The following FBXL18 variants were observed in gnomAD, a reference collection of about 807,000 sequenced individuals.
FBXL18 encodes F-box/LRR-repeat protein 18.
FBXL18 carries 36 observed loss-of-function variants against 46.0 expected under a neutral mutation model. That is an observed-to-expected ratio of 0.78 (90% CI 0.60 to 1.03). The LOEUF (loss-of-function observed/expected upper bound fraction) is 1.03. Among genes scored for constraint, FBXL18 ranks in the 50% least tolerant of loss-of-function variants. The probability of loss-of-function intolerance (pLI) is 0.00; values close to 1 mark genes in which losing one functional copy is unlikely to be tolerated. For missense variants in FBXL18, 977 were observed against 1,004.1 expected, an observed-to-expected ratio of 0.97 and a Z score of 0.36; for synonymous variants, 557 against 465.3, an observed-to-expected ratio of 1.20 and a Z score of -2.54.
chr7:5,479,422 C>T lies in FBXL18; in HGVS notation c.*2353G>A, dbSNP rs1337527851. On this transcript the variant is annotated 3_prime_UTR_variant, in exon 5 of 5. Transcript: ENST00000382368. ...GGCCCCCTGAGGGTCCGGGAACCTC[C>T]CAGGCCACTCGCCCCTGCCTGGTCG... 3 of 152,270 alleles carry T rather than the reference C, an allele frequency of 2.0e-5. No individual in the cohort carries two copies. The highest frequency in any genetic ancestry group is 4.4e-5 in the Non-Finnish European group (3 of 68,130). 9.4% of individuals were successfully genotyped at this position (152,270 alleles called of 1,614,324 possible).
intron 4 of FBXL18, among the ~76,000 whole-genome samples, chr7:5,462,949 TCAAAAAAA>T (rs1719552540): frequency 3.0e-4 from 1 of 3,342 alleles, no homozygotes; most frequent in Admixed American, 4.0e-3. Flanking sequence ...AGACTTGGTC[TCAAAAAAA>T]AAAAAAAAAA....
At chr7:5,513,566 G>C in intron 1 of FBXL18, 91 bp downstream of exon 1, 4 of 1,448,536 alleles carry the variant, frequency 2.8e-6, no homozygotes, top group Non-Finnish European at 3.8e-6. Flanking sequence ...GGGATAGAAA[G>C]GATGCAAGGG....
chr7:5,499,832 G>C (rs1256066841), intron 3 of FBXL18, among the ~76,000 whole-genome samples: 2 of 151,858 alleles, frequency 1.3e-5, no homozygotes, highest in African/African-American at 4.8e-5. Context: ...GGCCGAGATG[G>C]AGGATCACTT....
At chr7:5,465,592 A>C (rs1783329801) in intron 4 of FBXL18, among the ~76,000 whole-genome samples, 1 of 151,782 alleles carries the variant, frequency 6.6e-6, no homozygotes, top group Non-Finnish European at 1.5e-5. Flanking sequence ...CTCCCACCTC[A>C]CACCACTGCA....
intron 3 of FBXL18, among the ~76,000 whole-genome samples, chr7:5,497,496 G>A (rs993035226): frequency 2.0e-5 from 3 of 152,154 alleles, no homozygotes; most frequent in African/African-American, 4.8e-5. Flanking sequence ...TTGATCCTGC[G>A]CTTCTCAACC....
chr7:5,487,467 G>A (rs1426473721), intron 4 of FBXL18, among the ~76,000 whole-genome samples: 3 of 152,176 alleles, frequency 2.0e-5, no homozygotes, highest in Non-Finnish European at 4.4e-5. Flanking sequence ...CACAGAGCCT[G>A]GAGGTCCCCA....
chr7:5,471,488 G>A (rs1783426500), downstream of FBXL18, among the ~76,000 whole-genome samples: 2 of 152,126 alleles, frequency 1.3e-5, no homozygotes, highest in African/African-American at 2.4e-5. Flanking sequence ...ATGTTAGCCA[G>A]GATGGTCTCA....
At chr7:5,493,201 G>A (rs916671162) in intron 3 of FBXL18, among the ~76,000 whole-genome samples, 1 of 152,186 alleles carries the variant, frequency 6.6e-6, no homozygotes, top group Non-Finnish European at 1.5e-5. Flanking sequence ...CAGCCATGGT[G>A]GCACGCACCT....
chr7:5,486,654 A>G (rs913426324), intron 4 of FBXL18, among the ~76,000 whole-genome samples: 1 of 152,110 alleles, frequency 6.6e-6, no homozygotes, highest in African/African-American at 2.4e-5. Context: ...CCCTGTCTCT[A>G]AAAAAAGAAA....
intron 1 of FBXL18, among the ~76,000 whole-genome samples, chr7:5,511,370 G>C (rs1408464113): frequency 6.6e-6 from 1 of 151,932 alleles, no homozygotes; most frequent in Admixed American, 6.6e-5. Flanking sequence ...CCTGAGGTCA[G>C]TAGTTCAAGA....
At chr7:5,467,396 A>G (rs894262470) in intron 4 of FBXL18, among the ~76,000 whole-genome samples, 2 of 151,266 alleles carry the variant, frequency 1.3e-5, no homozygotes, top group Non-Finnish European at 2.9e-5. Context: ...AAAATAAAAA[A>G]TTAGCTGGGT....
intron 1 of FBXL18, among the ~76,000 whole-genome samples, chr7:5,507,364 A>C (rs751818189): frequency 3.3e-5 from 5 of 152,134 alleles, no homozygotes; most frequent in Non-Finnish European, 7.4e-5. Flanking sequence ...GCCAGGCCCT[A>C]GACAGGTGTG....
chr7:5,455,713 T>A lies in FBXL18; in HGVS notation c.2001-7870A>T, dbSNP rs1000209760. Among the ~76,000 whole-genome samples the A allele has an allele frequency of 1.3e-5, 2 of 151,814 alleles. No individual in the cohort carries two copies. Among genetic ancestry groups the A allele is most frequent in the Non-Finnish European group, 1.5e-5 (1 of 67,956 alleles). On this transcript the variant is annotated intron_variant and NMD_transcript_variant, in intron 4 of 6. Transcript: ENST00000415009. The surrounding 1 kb of genome is among the most constrained non-coding windows in gnomAD (Gnocchi z 4.6). ...TCGGGGAAGTGGGAAACAGAACTTT[T>A]TGGATGTCCCTAGATGGTGCCTCCC...
chr7:5,510,096 G>T (rs1008159939), intron 1 of FBXL18, among the ~76,000 whole-genome samples: 1 of 151,862 alleles, frequency 6.6e-6, no homozygotes, highest in African/African-American at 2.4e-5. Context: ...GACGTCAGGA[G>T]TTCGAGACTA....
At position 5,479,022 on chromosome 7, in the gene FBXL18, G is replaced by C. The variant is rs1199606045; in HGVS notation, c.*2753C>G. On this transcript the variant is annotated 3_prime_UTR_variant, in exon 5 of 5. Coordinates refer to ENST00000382368, the MANE Select transcript of FBXL18 (RefSeq NM_024963.6). ...CAGAATATAAATTGCAACTAACGCT[G>C]GTGCCAAAATAGCACTTAGAGAAAA... 6.6e-6 allele frequency: 1 copy of C among 152,144 alleles called. No homozygotes were observed. The highest frequency in any genetic ancestry group is 2.4e-5 in the African/African-American group (1 of 41,418). The allele number at this position is 152,144 out of a possible 1,614,324, so 9.4% of individuals were successfully genotyped here.
At position 5,462,950 on chromosome 7, in the gene FBXL18, C is replaced by CAAAA. The variant is rs138208570; in HGVS notation, c.2001-15111_2001-15108dup. On this transcript the variant is annotated intron_variant and NMD_transcript_variant, in intron 4 of 6. Coordinates refer to the FBXL18 transcript ENST00000415009. ...TGGGCGACAGAGTGAGACTTGGTCTCAAAAAAAAAAAAAAAAAAAATATAT... is the reference window on the plus strand; with the variant it reads ...TGGGCGACAGAGTGAGACTTGGTCTCAAAAAAAAAAAAAAAAAAAAAAAATATAT... 1.6e-3 allele frequency among the ~76,000 whole-genome samples: 36 copies of CAAAA among 22,370 alleles called. 2 individuals carry two copies. Among genetic ancestry groups the CAAAA allele is most frequent in the East Asian group, 5.5e-3 (3 of 548 alleles). 14.7% of individuals were successfully genotyped at this position (22,370 alleles called of 152,430 possible).
Position 5,501,879 on chromosome 7 carries a change from G to C in FBXL18, c.390C>G (p.His130Gln), listed in dbSNP as rs1460465172. The change falls in exon 3 of 5, where the codon CAC (histidine) becomes CAG (glutamine). Residue 130 changes from histidine (H) to glutamine (Q), a missense_variant. Transcript: ENST00000382368. ...SLVKVNLSGCHLTSLRLSKML... is the reference protein window; with the variant it reads ...SLVKVNLSGCQLTSLRLSKML... ...TCTTGGAGAGGCGCAGGGAAGTGAG[G>C]TGGCAGCCCGAGAGGTTCACCTTCA... 4 of 1,602,702 alleles carry C rather than the reference G, an allele frequency of 2.5e-6. No individual in the cohort carries two copies. The highest frequency in any genetic ancestry group is 3.4e-6 in the Non-Finnish European group (4 of 1,175,920).
chr7:5,490,916 G>A (rs969698301), intron 4 of FBXL18, among the ~76,000 whole-genome samples: 9 of 152,218 alleles, frequency 5.9e-5, no homozygotes, highest in African/African-American at 1.9e-4. Flanking sequence ...CCGAGATTTC[G>A]CCACTACACT....
chr7:5,483,074 C>T (rs1041931322), intron 4 of FBXL18, among the ~76,000 whole-genome samples: 1 of 150,720 alleles, frequency 6.6e-6, no homozygotes, highest in Non-Finnish European at 1.5e-5. Flanking sequence ...AAAGAAAATA[C>T]AAAGACGACC....
Sources: gnomAD v4.1 joint callset for allele counts (sites outside exome capture counted in the v4.1 genomes callset) on GRCh38, gnomAD v4.1.1 for gene constraint, Gnocchi (gnomAD v3.1) non-coding constraint, MANE v1.5 for transcripts, NCBI Gene and HGNC (gene_info 2026-07-23, HGNC 2026-07-21) for gene names.